Variants in PYGL observed in about 807,000 individuals in gnomAD.
PYGL encodes glycogen phosphorylase, liver form.
PYGL carries 90 observed loss-of-function variants against 100.1 expected under a neutral mutation model. The observed-to-expected ratio is 0.90, with a 90% confidence interval of 0.76 to 1.07. The LOEUF (loss-of-function observed/expected upper bound fraction) is 1.07. Ranked by LOEUF, PYGL falls within the 50% of genes least tolerant of loss-of-function variation. The probability of loss-of-function intolerance (pLI) is 0.00; values close to 1 mark genes in which losing one functional copy is unlikely to be tolerated. For synonymous variants in PYGL, 373 were observed against 393.0 expected (o/e 0.95, Z 0.60); for missense variants, 1,016 against 1,057.6 (o/e 0.96, Z 0.55).
At chr14:50,935,264 T>G in intron 2 of PYGL, 79 bp from the exon 3 acceptor site, 1 of 1,146,544 alleles carries the variant, frequency 8.7e-7, no homozygotes, top group Non-Finnish European at 1.3e-6. Flanking sequence ...CCTACAGCTC[T>G]GGGTAAAGGT....
chr14:50,940,207 G>T (rs911569453), intron 1 of PYGL, among the ~76,000 whole-genome samples: 3 of 152,120 alleles, frequency 2.0e-5, no homozygotes, highest in Non-Finnish European at 4.4e-5. Flanking sequence ...CATTTGCATA[G>T]TATTACCCAG....
intron 3 of PYGL, among the ~76,000 whole-genome samples, chr14:50,933,744 A>G (rs1417755919): frequency 1.3e-5 from 2 of 152,114 alleles, no homozygotes; most frequent in Non-Finnish European, 2.9e-5. Context: ...CATTATATAC[A>G]TATGTACACA....
At chr14:50,944,110 G>T in intron 1 of PYGL, 51 bp downstream of exon 1, 1 of 1,556,942 alleles carries the variant, frequency 6.4e-7, no homozygotes, top group Non-Finnish European at 8.6e-7. Flanking sequence ...GCCGCGGCCG[G>T]AGACTCCGAC....
chr14:50,914,557 C>A, intron 12 of PYGL, 144 bp downstream of exon 12: 1 of 669,616 alleles, frequency 1.5e-6, no homozygotes. Flanking sequence ...AGAATTAAAC[C>A]CAGCATGGAG....
intron 18 of PYGL, 94 bp downstream of exon 18, chr14:50,908,727 A>G: frequency 6.7e-7 from 1 of 1,494,960 alleles, no homozygotes; most frequent in East Asian, 2.3e-5. Context: ...AGATTGGTTT[A>G]AGATTTTCTT....
intron 3 of PYGL, among the ~76,000 whole-genome samples, chr14:50,932,143 T>G (rs187329020): frequency 6.6e-6 from 1 of 152,262 alleles, no homozygotes; most frequent in Non-Finnish European, 1.5e-5. Context: ...GGAAGCTGTC[T>G]CTATCCTCCC....
chr14:50,907,096 T>A (rs2050343476), intron 19 of PYGL, among the ~76,000 whole-genome samples: 1 of 152,184 alleles, frequency 6.6e-6, no homozygotes, highest in South Asian at 2.1e-4. Context: ...TCAGAGATGA[T>A]CAACCTTTTT....
At chr14:50,905,598 G>C in intron 19 of PYGL, 42 bp from the exon 20 acceptor site, 2 of 1,592,908 alleles carry the variant, frequency 1.3e-6, no homozygotes, top group Non-Finnish European at 1.7e-6. Context: ...GTCCCAGTGC[G>C]CAGTGAGCTT....
rs2139206324 is a variant in PYGL, at chr14:50,944,281, G to A, written c.123C>T (p.Val41=). ...SFNRHLHFTL[V]KDRNVATTRD... Reference sequence around the variant, plus strand: ...GGGTGGTGGCCACGTTGCGGTCCTTGACCAGCGTGAAGTGCAGGTGCCGGT... The same window carrying A: ...GGGTGGTGGCCACGTTGCGGTCCTTAACCAGCGTGAAGTGCAGGTGCCGGT... Residue 41 remains valine, a synonymous_variant, in exon 1 of 20, where the codon GTC becomes GTT. Transcript: ENST00000216392. 6.2e-7 allele frequency: 1 copy of A among 1,613,998 alleles called. No individual in the cohort carries two copies. Among genetic ancestry groups the A allele is most frequent in the Non-Finnish European group, 8.5e-7 (1 of 1,179,908 alleles).
In PYGL at chr14:50,915,976, G is replaced by C. The variant is rs373976434; in HGVS notation, c.1093-5C>G. ...CTTCTGGGTGAGCTCCCATGCCTGG[G>C]GGAAAGGAAGGAGTCAGCTGCTTGC... is the stretch of plus-strand genomic sequence containing the variant. On this transcript the variant is annotated splice_region_variant and splice_polypyrimidine_tract_variant and intron_variant, in intron 9 of 19. Transcript: ENST00000216392. 1.5e-5 allele frequency: 25 copies of C among 1,613,958 alleles called. No individual in the cohort carries two copies. The African/African-American group carries it at 2.8e-4, about 18-fold the overall frequency.
chr14:50,922,440 G>T (rs2050510700), intron 5 of PYGL, among the ~76,000 whole-genome samples: 1 of 152,092 alleles, frequency 6.6e-6, no homozygotes, highest in Non-Finnish European at 1.5e-5. Flanking sequence ...AAAGTCTCTG[G>T]ACTTTTAAAG....
intron 7 of PYGL, among the ~76,000 whole-genome samples, chr14:50,917,877 C>T (rs1190822551): frequency 2.0e-5 from 3 of 152,146 alleles, no homozygotes; most frequent in Admixed American, 6.5e-5. Context: ...TTTTATAGAT[C>T]ATGGAGCTGC....
At chr14:50,910,995 C>T (rs2050390897) in intron 16 of PYGL, among the ~76,000 whole-genome samples, 1 of 152,246 alleles carries the variant, frequency 6.6e-6, no homozygotes, top group Non-Finnish European at 1.5e-5. Context: ...GAACCTGGCT[C>T]TTCTCCCTTT....
intron 1 of PYGL, among the ~76,000 whole-genome samples, chr14:50,942,956 G>A (rs1241252723): frequency 1.3e-5 from 2 of 152,194 alleles, no homozygotes; most frequent in Non-Finnish European, 2.9e-5. Flanking sequence ...GGAGGCCTAG[G>A]TCTTTGGGGT....
intron 12 of PYGL, 96 bp from the exon 13 acceptor site, chr14:50,913,226 A>T: frequency 1.0e-6 from 1 of 953,764 alleles, no homozygotes; most frequent in South Asian, 1.4e-5. Context: ...CACCTACCAC[A>T]GTGTAGTTCA....
intron 3 of PYGL, among the ~76,000 whole-genome samples, chr14:50,933,456 C>T (rs550435710): frequency 6.6e-6 from 1 of 152,232 alleles, no homozygotes; most frequent in Admixed American, 6.5e-5. Flanking sequence ...TATGCAAAAT[C>T]AGAAGATTTT....
chr14:50,944,337 C>G lies in PYGL; in HGVS notation c.67G>C (p.Glu23Gln). ...QISIRGIVGV[E>Q]NVAELKKSFN... ...CTCTTCTTCAGCTCTGCCACGTTCT[C>G]CACGCCCACGATGCCGCGGATGCTG... The change falls in exon 1 of 20, where the codon GAG becomes CAG. Residue 23 changes from glutamate to glutamine, a missense_variant. Coordinates refer to ENST00000216392, the MANE Select transcript of PYGL (RefSeq NM_002863.5). 1 of 1,613,922 alleles carries G rather than the reference C, an allele frequency of 6.2e-7. No homozygotes were observed. Among genetic ancestry groups the G allele is most frequent in the Non-Finnish European group, 8.5e-7 (1 of 1,179,870 alleles).
intron 11 of PYGL, 140 bp from the exon 12 acceptor site, chr14:50,914,955 G>A (rs546335880): frequency 4.2e-6 from 3 of 722,482 alleles, no homozygotes; most frequent in Admixed American, 2.0e-5. Flanking sequence ...CAGGCTGACA[G>A]TAGCTATGGC....
At chr14:50,922,784 C>G (rs1431579069) in intron 5 of PYGL, among the ~76,000 whole-genome samples, 4 of 152,226 alleles carry the variant, frequency 2.6e-5, no homozygotes, top group Non-Finnish European at 5.9e-5. Context: ...TTCCCCTTCA[C>G]TTTTCACAGG....
Sources: gnomAD v4.1 joint callset for allele counts (sites outside exome capture counted in the v4.1 genomes callset) on GRCh38, gnomAD v4.1.1 for gene constraint, MANE v1.5 for transcripts, NCBI Gene and HGNC (gene_info 2026-07-23, HGNC 2026-07-21) for gene names.